Variants in AGBL1 observed in about 807,000 individuals in gnomAD.
AGBL1 encodes AGBL carboxypeptidase 1, also known as cytosolic carboxypeptidase 4.
In AGBL1, 130 loss-of-function variants were observed where a neutral mutation model predicts 118.9. That is an observed-to-expected ratio of 1.09 (90% confidence interval 0.95 to 1.26). AGBL1 has a LOEUF of 1.26. Ranked by LOEUF, AGBL1 falls within the 50% of genes most tolerant of loss-of-function variation. The probability of loss-of-function intolerance (pLI) is 0.00; values close to 1 mark genes in which losing one functional copy is unlikely to be tolerated. For missense variants in AGBL1, 1,584 were observed against 1,298.1 expected (o/e 1.22, Z -3.38); for synonymous variants, 555 against 478.9 (o/e 1.16, Z -2.08).
At chr15:86,660,739 A>G (rs948914992) in intron 21 of AGBL1, among the ~76,000 whole-genome samples, 3 of 152,144 alleles carry the variant, frequency 2.0e-5, no homozygotes, top group South Asian at 2.1e-4. Flanking sequence ...TAAAATTGCT[A>G]TATGGCTTTT....
rs987923146 is a variant in AGBL1 at position 86,953,159 on chromosome 15, T to C, written c.3222-34828T>C. ...TGCTTTGGCTATTTTGGCTCTTTTT[T>C]GGTTGCATGTAATTTTTAGATATTT... On this transcript the variant is annotated intron_variant, in intron 23 of 24. Transcript: ENST00000441037. 2.6e-5 allele frequency among the ~76,000 whole-genome samples: 4 copies of C among 152,340 alleles called. No homozygotes were observed. The East Asian group carries it at 7.7e-4, about 29-fold the overall frequency.
At chr15:86,838,941 T>TAAAAAAAAAAAAAAAA (rs386383698) in intron 22 of AGBL1, among the ~76,000 whole-genome samples, 2 of 48,006 alleles carry the variant, frequency 4.2e-5, no homozygotes, top group Non-Finnish European at 6.8e-5. Flanking sequence ...TGAGATCCTG[T>TAAAAAAAAAAAAAAAA]AAAAAAAAAA....
chr15:86,736,327 C>G (rs561809669), intron 22 of AGBL1, among the ~76,000 whole-genome samples: 23 of 151,960 alleles, frequency 1.5e-4, no homozygotes, highest in African/African-American at 5.6e-4. Context: ...TTGCAGTGAG[C>G]TGAGATCGTG....
intron 21 of AGBL1, among the ~76,000 whole-genome samples, chr15:86,557,605 C>T (rs982654422): frequency 1.3e-5 from 2 of 152,156 alleles, no homozygotes; most frequent in Non-Finnish European, 2.9e-5. Context: ...GCAGTGCATC[C>T]TTTCTACCAC....
intron 22 of AGBL1, among the ~76,000 whole-genome samples, chr15:86,903,049 A>G (rs748868294): frequency 1.3e-5 from 2 of 152,084 alleles, no homozygotes; most frequent in Non-Finnish European, 2.9e-5. Flanking sequence ...ATCTTTTGTT[A>G]TAGTCCTACA....
rs112513226 is a variant in AGBL1 at position 86,795,689 on chromosome 15, A to C, written c.3159-111398A>C. On this transcript the variant is annotated intron_variant, in intron 22 of 22. Coordinates refer to ENST00000614907, the MANE Select transcript of AGBL1 (RefSeq NM_001386094.1). ...AACCTCCACCTCCTGGGTTCAAGCAATTCTCCTGCCCCAGCCTCCCGAGTA... is the reference window on the plus strand; with the variant it reads ...AACCTCCACCTCCTGGGTTCAAGCACTTCTCCTGCCCCAGCCTCCCGAGTA... Among the ~76,000 whole-genome samples, 1,153 of 151,146 alleles carry C rather than the reference A, an allele frequency of 7.6e-3. 15 individuals carry two copies. The highest frequency in any genetic ancestry group is 0.027 in the African/African-American group (1,101 of 41,084).
intron 1 of AGBL1, among the ~76,000 whole-genome samples, chr15:86,114,320 G>C (rs1472807989): frequency 6.6e-6 from 1 of 152,338 alleles, no homozygotes; most frequent in South Asian, 2.1e-4. Context: ...GCCTTGGCAA[G>C]GAGTCCAGAA....
chr15:86,079,749 A>C (rs970830618), upstream of AGBL1: 4 of 371,848 alleles, frequency 1.1e-5, no homozygotes, highest in African/African-American at 8.3e-5. Flanking sequence ...AGCCCTCCCC[A>C]CAGCAGGGGC....
chr15:86,434,506 C>T (rs527728494), intron 18 of AGBL1, among the ~76,000 whole-genome samples: 30 of 152,196 alleles, frequency 2.0e-4, no homozygotes, highest in African/African-American at 6.5e-4. Flanking sequence ...TGGGATGCAC[C>T]CATTACTTAT....
chr15:86,731,319 G>C (rs996945684), intron 22 of AGBL1, among the ~76,000 whole-genome samples: 1 of 152,186 alleles, frequency 6.6e-6, no homozygotes, highest in African/African-American at 2.4e-5. Context: ...GGGGGACACA[G>C]TCTGATTCTC....
chr15:86,877,280 G>C (rs982884185), intron 22 of AGBL1, among the ~76,000 whole-genome samples: 1 of 152,088 alleles, frequency 6.6e-6, no homozygotes, highest in Non-Finnish European at 1.5e-5. Flanking sequence ...CCCCAACCTG[G>C]ATGGAAAGAG....
chr15:86,225,025 G>A (rs1448458242), intron 6 of AGBL1, 74 bp downstream of exon 6: 3 of 1,434,990 alleles, frequency 2.1e-6, no homozygotes, highest in Non-Finnish European at 2.9e-6. Flanking sequence ...TGGTCCCCAT[G>A]GCTGTTTCTT....
chr15:86,147,430 G>A (rs1419188660), intron 3 of AGBL1, among the ~76,000 whole-genome samples: 1 of 152,186 alleles, frequency 6.6e-6, no homozygotes, highest in African/African-American at 2.4e-5. Context: ...TTTTCCCAAG[G>A]TTAGCAACCT....
chr15:86,910,508 C>T lies in AGBL1; in HGVS notation c.*3214C>T, dbSNP rs1182798214. ...CGTGACTGATATCAGCGCCATTTTT[C>T]CCTTGTTTATGGCTGAGGGTTTGGT... On this transcript the variant is annotated 3_prime_UTR_variant, in exon 23 of 23. Transcript: ENST00000614907. 1 of 152,116 alleles carries T rather than the reference C, an allele frequency of 6.6e-6. No individual in the cohort carries two copies. The highest frequency in any genetic ancestry group is 1.5e-5 in the Non-Finnish European group (1 of 68,044). The allele number at this position is 152,116 out of a possible 1,614,324, so 9.4% of individuals were successfully genotyped here. A position where few individuals can be genotyped will look rare whatever the true frequency, so the allele number is the denominator to read the frequency against.
chr15:86,302,402 T>C (rs77464007), intron 17 of AGBL1, among the ~76,000 whole-genome samples: 2 of 152,106 alleles, frequency 1.3e-5, no homozygotes, highest in African/African-American at 2.4e-5. Context: ...AACTTCTATA[T>C]GCAGAGAAAT....
chr15:86,490,597 C>G (rs1433679415), intron 18 of AGBL1, among the ~76,000 whole-genome samples: 1 of 152,036 alleles, frequency 6.6e-6, no homozygotes, highest in Admixed American at 6.6e-5. Context: ...TGTTCTAGAA[C>G]AAGTCCAACA....
chr15:86,895,776 T>G (rs1183298074), intron 22 of AGBL1, among the ~76,000 whole-genome samples: 1 of 152,056 alleles, frequency 6.6e-6, no homozygotes, highest in Admixed American at 6.5e-5. Flanking sequence ...ATGGAAAATT[T>G]ATTGTTGATC....
intron 21 of AGBL1, among the ~76,000 whole-genome samples, chr15:86,638,872 C>T (rs576105881): frequency 3.9e-5 from 6 of 152,280 alleles, no homozygotes; most frequent in African/African-American, 1.4e-4. Flanking sequence ...GGACCTTTCA[C>T]AGGCTACCAT....
chr15:86,322,703 C>G (rs1314395935), intron 17 of AGBL1, among the ~76,000 whole-genome samples: 1 of 152,142 alleles, frequency 6.6e-6, no homozygotes, highest in Non-Finnish European at 1.5e-5. Flanking sequence ...TTCTGCTAGT[C>G]ACCCAGCAGC....
Sources: allele counts gnomAD v4.1 joint callset (sites outside exome capture counted in the v4.1 genomes callset), GRCh38; gene constraint gnomAD v4.1.1; transcripts MANE v1.5; gene names NCBI Gene and HGNC (gene_info 2026-07-23, HGNC 2026-07-21).